PPFIA2: variants seen among roughly 807,000 people sequenced by gnomAD.
PPFIA2 encodes liprin-alpha-2.
A neutral mutation model predicts 175.5 loss-of-function variants in PPFIA2; 46 were observed. That is an observed-to-expected ratio of 0.26 (90% CI 0.21 to 0.34). The LOEUF (loss-of-function observed/expected upper bound fraction) is 0.34. Among genes scored for constraint, PPFIA2 ranks in the 10% least tolerant of loss-of-function variants. The pLI, the probability that PPFIA2 is intolerant of heterozygous loss-of-function variation, is 1.00. For missense variants in PPFIA2, 1,179 were observed against 1,506.1 expected, an observed-to-expected ratio of 0.78 and a Z score of 3.60; for synonymous variants, 568 against 511.4, an observed-to-expected ratio of 1.11 and a Z score of -1.49.
intron 4 of PPFIA2, among the ~76,000 whole-genome samples, chr12:81,496,220 G>A (rs11114886): frequency 0.071 from 10,809 of 152,116 alleles, 551 homozygotes; most frequent in East Asian, 0.2. Flanking sequence ...TGAATCAACT[G>A]GATTCTTCAA....
intron 16 of PPFIA2, among the ~76,000 whole-genome samples, 167 bp downstream of exon 16, chr12:81,357,915 T>C (rs560029338): frequency 6.6e-6 from 1 of 152,284 alleles, no homozygotes; most frequent in South Asian, 2.1e-4. Flanking sequence ...TTTGGGCCCA[T>C]AGTAGGGGCT....
At chr12:81,407,775 T>C (rs2043199851) in intron 7 of PPFIA2, among the ~76,000 whole-genome samples, 1 of 152,166 alleles carries the variant, frequency 6.6e-6, no homozygotes, top group Admixed American at 6.5e-5. Flanking sequence ...ACAGTTGAGA[T>C]ACAACTCCTC....
intron 22 of PPFIA2, among the ~76,000 whole-genome samples, chr12:81,315,108 C>T (rs569788944): frequency 6.6e-6 from 1 of 151,888 alleles, no homozygotes; most frequent in East Asian, 1.9e-4. Flanking sequence ...CTCTGTCTCT[C>T]TGTCTCTCTA....
chr12:81,479,582 T>G (rs2057942194), intron 4 of PPFIA2, among the ~76,000 whole-genome samples: 1 of 152,208 alleles, frequency 6.6e-6, no homozygotes, highest in Admixed American at 6.5e-5. Context: ...CTTTCCATAT[T>G]TAGTGCTTCC....
chr12:81,436,367 C>CCTTGCT (rs1434367765), intron 7 of PPFIA2, among the ~76,000 whole-genome samples: 1 of 137,912 alleles, frequency 7.3e-6, no homozygotes, highest in Admixed American at 7.9e-5. Flanking sequence ...TTCTCCAGCT[C>CCTTGCT]CTTGCTCATT....
At chr12:81,702,531 C>T (rs949259185) in intron 3 of PPFIA2, among the ~76,000 whole-genome samples, 8 of 151,996 alleles carry the variant, frequency 5.3e-5, no homozygotes, top group South Asian at 2.1e-4. Context: ...AAAACAGTGG[C>T]GTTGATGATC....
chr12:81,746,673 G>A lies in PPFIA2; in HGVS notation c.249+7300C>T, dbSNP rs558038052. On this transcript the variant is annotated intron_variant, in intron 3 of 32. Coordinates refer to ENST00000549396, the MANE Select transcript of PPFIA2 (RefSeq NM_003625.5). ...GCAAAATAGCCAGCTTAGAGGAAAA[G>A]TAATTGAAGACACTAGAGACAGAGG... Among the ~76,000 whole-genome samples the A allele has an allele frequency of 2.6e-4, 38 of 144,250 alleles. 1 individual carries two copies. Among genetic ancestry groups the A allele is most frequent in the African/African-American group, 8.7e-4 (36 of 41,164 alleles). The allele number at this position is 144,250 out of a possible 152,430, so 94.6% of individuals were successfully genotyped here.
chr12:81,510,801 G>T (rs1298039632), intron 4 of PPFIA2, among the ~76,000 whole-genome samples: 3 of 152,008 alleles, frequency 2.0e-5, no homozygotes, highest in Non-Finnish European at 4.4e-5. Context: ...CAAAGAAATT[G>T]CTATTACAAA....
At chr12:81,280,505 C>G (rs568617475) in intron 27 of PPFIA2, among the ~76,000 whole-genome samples, 4 of 152,036 alleles carry the variant, frequency 2.6e-5, no homozygotes, top group African/African-American at 4.8e-5. Context: ...GAAGCAAATA[C>G]AGTCTCCCAA....
At chr12:81,705,083 TAAAAAA>T (rs557079067) in intron 3 of PPFIA2, among the ~76,000 whole-genome samples, 2 of 32,356 alleles carry the variant, frequency 6.2e-5, no homozygotes, top group Non-Finnish European at 1.0e-4. Context: ...AAACTCTGTC[TAAAAAA>T]AAAAAAAAAA....
chr12:81,260,329 A>C (rs188038353), intron 32 of PPFIA2: 1 of 152,304 alleles, frequency 6.6e-6, no homozygotes, highest in East Asian at 1.9e-4. Flanking sequence ...TATGAACTAG[A>C]ATGTCATGCA....
intron 4 of PPFIA2, chr12:81,598,352 G>A (rs2059468973): frequency 8.9e-7 from 1 of 1,121,632 alleles, no homozygotes; most frequent in Non-Finnish European, 1.1e-6. Context: ...GCAGTGCTGT[G>A]GACCTGCCCA....
At chr12:81,388,709 T>C (rs912485883) in intron 8 of PPFIA2, among the ~76,000 whole-genome samples, 2 of 152,022 alleles carry the variant, frequency 1.3e-5, no homozygotes, top group Non-Finnish European at 2.9e-5. Context: ...TTTTGAAAAA[T>C]GTTTCATAGA....
chr12:81,276,435 C>CCTAT (rs1262604909), intron 28 of PPFIA2, among the ~76,000 whole-genome samples: 1 of 152,138 alleles, frequency 6.6e-6, no homozygotes, highest in Non-Finnish European at 1.5e-5. Flanking sequence ...AATACCTTTA[C>CCTAT]CTATATCTTT....
intron 14 of PPFIA2, among the ~76,000 whole-genome samples, chr12:81,366,558 C>T (rs1410855202): frequency 6.6e-6 from 1 of 151,690 alleles, no homozygotes; most frequent in East Asian, 1.9e-4. Flanking sequence ...GCTCTTACTG[C>T]CTACTTCACT....
intron 3 of PPFIA2, among the ~76,000 whole-genome samples, chr12:81,678,917 T>C (rs2073090976): frequency 6.6e-6 from 1 of 151,838 alleles, no homozygotes; most frequent in Admixed American, 6.6e-5. Context: ...AATGCTTTAT[T>C]CCAACATCAT....
In PPFIA2 at chr12:81,470,322, T is replaced by C. The variant is rs575200284; in HGVS notation, c.304-12456A>G. Among the ~76,000 whole-genome samples, 19 of 152,302 alleles carry C rather than the reference T, an allele frequency of 1.2e-4. 1 individual carries two copies. Among genetic ancestry groups the C allele is most frequent in the African/African-American group, 4.6e-4 (19 of 41,568 alleles). On this transcript the variant is annotated intron_variant, in intron 4 of 32. Transcript: ENST00000549396. ...TAAAGATAAGTAGCCAAAAAGCACA[T>C]GGAAAGCTGTTCCACATCATTAATC...
intron 3 of PPFIA2, among the ~76,000 whole-genome samples, chr12:81,714,805 G>T (rs2153620598): frequency 1.3e-5 from 2 of 151,164 alleles, no homozygotes; most frequent in African/African-American, 4.8e-5. Context: ...TACAACTGTG[G>T]TAAGACCCTT....
chr12:81,700,968 A>G (rs530648416), intron 3 of PPFIA2, among the ~76,000 whole-genome samples: 2 of 152,276 alleles, frequency 1.3e-5, no homozygotes, highest in South Asian at 4.1e-4. Flanking sequence ...ATTTGGATTA[A>G]AAGGTTTGGA....
Sources: allele counts gnomAD v4.1 joint callset (sites outside exome capture counted in the v4.1 genomes callset), GRCh38; gene constraint gnomAD v4.1.1; transcripts MANE v1.5; gene names NCBI Gene and HGNC (gene_info 2026-07-23, HGNC 2026-07-21).